GALNT17: variants seen among roughly 807,000 people sequenced by gnomAD.
GALNT17 encodes the protein UDP-GalNAc:polypeptide N-acetylgalactosaminyltransferase-like 3.
Under a neutral mutation model 63.7 loss-of-function variants are expected in GALNT17, and 29 were observed. The observed-to-expected ratio is 0.46, with a 90% CI of 0.34 to 0.62. GALNT17 has a LOEUF of 0.62. GALNT17 is among the 20% of genes least tolerant of loss of function. GALNT17 has a pLI of 0.01. For synonymous variants in GALNT17, 305 were observed against 318.3 expected, an observed-to-expected ratio of 0.96 and a Z score of 0.45; for missense variants, 603 against 799.6, an observed-to-expected ratio of 0.75 and a Z score of 2.97.
chr7:71,613,115 C>A (rs1447208888), intron 6 of GALNT17, among the ~76,000 whole-genome samples: 1 of 152,154 alleles, frequency 6.6e-6, no homozygotes, highest in African/African-American at 2.4e-5. Flanking sequence ...GCATTCCCAG[C>A]AGTTCAGGGC....
intron 1 of GALNT17, among the ~76,000 whole-genome samples, chr7:71,204,907 G>A (rs375983984): frequency 2.0e-5 from 3 of 151,838 alleles, no homozygotes; most frequent in East Asian, 1.9e-4. Context: ...CACCATGCCT[G>A]GTAAATTTTT....
In GALNT17 at chr7:71,543,332, G is replaced by A. The variant is rs372160177; in HGVS notation, c.963-27953G>A. ...TTATGACACTAGGTTTTTGAGAAAA[G>A]GACAGCTTTTTATTGCTAGTCGACT... On this transcript the variant is annotated intron_variant, in intron 5 of 10. Transcript: ENST00000333538. 1.2e-4 allele frequency among the ~76,000 whole-genome samples: 19 copies of A among 152,242 alleles called. 1 individual carries two copies. The East Asian group carries it at 3.1e-3, about 25-fold the overall frequency.
At chr7:71,663,546 G>T (rs985267938) in intron 6 of GALNT17, among the ~76,000 whole-genome samples, 1 of 152,124 alleles carries the variant, frequency 6.6e-6, no homozygotes, top group African/African-American at 2.4e-5. Flanking sequence ...GCATCTAGCT[G>T]TCCTGTCCCA....
intron 2 of GALNT17, among the ~76,000 whole-genome samples, chr7:71,367,460 T>C (rs1019291058): frequency 1.1e-4 from 16 of 152,216 alleles, no homozygotes; most frequent in Non-Finnish European, 2.1e-4. Context: ...GAAGGGAACC[T>C]ATTTGGTATA....
At chr7:71,214,682 A>T (rs1022847291) in intron 1 of GALNT17, among the ~76,000 whole-genome samples, 2 of 151,540 alleles carry the variant, frequency 1.3e-5, no homozygotes, top group Admixed American at 1.3e-4. Flanking sequence ...GGTTCAAGCA[A>T]TTCTCCTGCC....
intron 1 of GALNT17, among the ~76,000 whole-genome samples, chr7:71,204,966 G>A (rs755745014): frequency 4.0e-5 from 6 of 151,510 alleles, no homozygotes; most frequent in Non-Finnish European, 7.4e-5. Flanking sequence ...GCCTGGTCTC[G>A]AACTCCTGAC....
intron 5 of GALNT17, among the ~76,000 whole-genome samples, chr7:71,534,551 A>G (rs1173070910): frequency 6.7e-6 from 1 of 149,208 alleles, no homozygotes; most frequent in East Asian, 2.0e-4. Flanking sequence ...GTGAGCCAAG[A>G]TCGTGCCACT....
intron 1 of GALNT17, among the ~76,000 whole-genome samples, chr7:71,286,444 C>T (rs1358781705): frequency 6.6e-6 from 1 of 152,156 alleles, no homozygotes; most frequent in Non-Finnish European, 1.5e-5. Context: ...TGCAAGAGTT[C>T]ACAATGCTTT....
intron 6 of GALNT17, among the ~76,000 whole-genome samples, chr7:71,639,528 G>C (rs943340330): frequency 5.9e-5 from 9 of 152,162 alleles, no homozygotes; most frequent in Non-Finnish European, 1.0e-4. Flanking sequence ...TGCACGAGGA[G>C]GGCTGTGGGG....
chr7:71,464,068 T>C (rs557337535), intron 5 of GALNT17, among the ~76,000 whole-genome samples: 69 of 152,300 alleles, frequency 4.5e-4, no homozygotes, highest in African/African-American at 1.6e-3. Context: ...CACTTAATTA[T>C]AACTATATTT....
intron 1 of GALNT17, among the ~76,000 whole-genome samples, chr7:71,270,491 C>T (rs1317508430): frequency 6.8e-6 from 1 of 146,072 alleles, no homozygotes; most frequent in Non-Finnish European, 1.5e-5. Flanking sequence ...CACCATTTTG[C>T]CCCAGCCTGG....
intron 5 of GALNT17, among the ~76,000 whole-genome samples, chr7:71,422,523 G>A (rs911876270): frequency 6.6e-5 from 10 of 152,150 alleles, no homozygotes; most frequent in Admixed American, 1.3e-4. Context: ...TCCCCTTTGC[G>A]GGGCATATGA....
At chr7:71,488,319 C>T (rs1787947315) in intron 5 of GALNT17, among the ~76,000 whole-genome samples, 1 of 152,086 alleles carries the variant, frequency 6.6e-6, no homozygotes, top group African/African-American at 2.4e-5. Context: ...TAGCAGAGAG[C>T]AAGGCCCAGC....
intron 1 of GALNT17, among the ~76,000 whole-genome samples, chr7:71,221,639 G>C (rs12668663): frequency 0.35 from 52,551 of 151,964 alleles, 9,758 homozygotes; most frequent in South Asian, 0.53. Context: ...AATTGATAGT[G>C]CAGTGGTCAG....
At chr7:71,192,736 A>C (rs550083943) in intron 1 of GALNT17, among the ~76,000 whole-genome samples, 7 of 152,262 alleles carry the variant, frequency 4.6e-5, no homozygotes, top group African/African-American at 1.4e-4. Flanking sequence ...TTAGAAAATC[A>C]TTGTAACATT....
intron 1 of GALNT17, among the ~76,000 whole-genome samples, chr7:71,311,493 G>T (rs1054011779): frequency 6.6e-6 from 1 of 152,084 alleles, no homozygotes; most frequent in Non-Finnish European, 1.5e-5. Flanking sequence ...TAAATTAATG[G>T]GGCATTGTGG....
At chr7:71,358,781 C>CT (rs374675039) in intron 2 of GALNT17, among the ~76,000 whole-genome samples, 2,157 of 149,722 alleles carry the variant, frequency 0.014, 29 homozygotes, top group Middle Eastern at 0.028. Context: ...TTTTCTTTTT[C>CT]TTTTTTTTTG....
chr7:71,428,974 G>A (rs953677932), intron 5 of GALNT17, among the ~76,000 whole-genome samples: 4 of 152,168 alleles, frequency 2.6e-5, no homozygotes, highest in South Asian at 4.1e-4. Context: ...TAGGACTCTC[G>A]TCCCTCCCTT....
rs997621960 is a variant in GALNT17, at chr7:71,137,240, C to T, written c.238+4200C>T. The stretch of plus-strand genomic sequence containing the variant: ...CTGCAAGCTCCGCCTCCCGGGTTCA[C>T]GCCATTCTCCTGCCTCAGCCTCCCG... On this transcript the variant is annotated intron_variant, in intron 1 of 10. Transcript: ENST00000333538. Among the ~76,000 whole-genome samples the T allele has an allele frequency of 6.0e-5, 9 of 150,954 alleles. No individual in the cohort carries two copies. In the South Asian group the frequency reaches 1.7e-3, roughly 28 times the overall value.
Sources: gnomAD v4.1 joint callset for allele counts (sites outside exome capture counted in the v4.1 genomes callset) on GRCh38, gnomAD v4.1.1 for gene constraint, MANE v1.5 for transcripts, NCBI Gene and HGNC (gene_info 2026-07-23, HGNC 2026-07-21) for gene names.